ZNRF3: variants seen among roughly 807,000 people sequenced by gnomAD.
The protein encoded by ZNRF3 is zinc and ring finger 3, also known as E3 ubiquitin-protein ligase ZNRF3.
ZNRF3 carries 23 observed loss-of-function variants against 72.5 expected under a neutral mutation model. That is an observed-to-expected ratio of 0.32 (90% CI 0.23 to 0.45). The LOEUF is 0.45. Ranked by LOEUF, ZNRF3 falls within the 20% of genes least tolerant of loss-of-function variation. The pLI is 1.00. For synonymous variants in ZNRF3, 610 were observed against 545.3 expected (o/e 1.12, Z -1.65); for missense variants, 1,169 against 1,272.1 (o/e 0.92, Z 1.23).
chr22:28,886,201 T>G (rs2033782924), intron 1 of ZNRF3, among the ~76,000 whole-genome samples: 1 of 152,250 alleles, frequency 6.6e-6, no homozygotes, highest in African/African-American at 2.4e-5. Context: ...AAGGCTAGCA[T>G]GCTTTTATGA....
At chr22:28,919,797 A>G (rs132546) in intron 1 of ZNRF3, among the ~76,000 whole-genome samples, 120,780 of 151,970 alleles carry the variant, frequency 0.79, 50,043 homozygotes, top group East Asian at 0.95. Flanking sequence ...ATGAGCCACC[A>G]CACCTGGCCC....
intron 1 of ZNRF3, among the ~76,000 whole-genome samples, chr22:28,936,151 G>A (rs1407056934): frequency 6.6e-6 from 1 of 152,050 alleles, no homozygotes; most frequent in Non-Finnish European, 1.5e-5. Context: ...CTCCACTTAC[G>A]GTGCTCCTAA....
At chr22:28,887,208 T>G (rs1331077476) in intron 1 of ZNRF3, among the ~76,000 whole-genome samples, 1 of 145,170 alleles carries the variant, frequency 6.9e-6, no homozygotes, top group Non-Finnish European at 1.5e-5. Flanking sequence ...CCCTCCTTAT[T>G]ATATGCCAAC....
chr22:28,990,852 A>G (rs1601636325), intron 2 of ZNRF3, among the ~76,000 whole-genome samples: 1 of 152,176 alleles, frequency 6.6e-6, no homozygotes, highest in East Asian at 1.9e-4. Context: ...ACCTGTGGAG[A>G]GTCTCATGGC....
intron 2 of ZNRF3, among the ~76,000 whole-genome samples, chr22:29,032,380 G>A (rs972989211): frequency 2.0e-5 from 3 of 152,160 alleles, no homozygotes; most frequent in African/African-American, 7.2e-5. Flanking sequence ...ACACGCAGGG[G>A]CTGGGGCCTG....
intron 1 of ZNRF3, among the ~76,000 whole-genome samples, chr22:28,905,215 G>T (rs1287600691): frequency 6.6e-6 from 1 of 152,138 alleles, no homozygotes; most frequent in East Asian, 1.9e-4. Context: ...GAGATTATAG[G>T]TATGAGCCAC....
intron 1 of ZNRF3, among the ~76,000 whole-genome samples, chr22:28,944,970 A>ATAATAC (rs113241990): frequency 2.0e-5 from 3 of 150,822 alleles, no homozygotes; most frequent in Non-Finnish European, 3.0e-5. Context: ...AATAATAATA[A>ATAATAC]TACTCATACT....
chr22:28,911,990 CTTTG>C (rs1196206879), intron 1 of ZNRF3, among the ~76,000 whole-genome samples: 1 of 152,178 alleles, frequency 6.6e-6, no homozygotes, highest in South Asian at 2.1e-4. Context: ...CTGGGATAAA[CTTTG>C]TTTGTTTACA....
At chr22:28,928,380 C>A (rs2034640485) in intron 1 of ZNRF3, among the ~76,000 whole-genome samples, 1 of 151,934 alleles carries the variant, frequency 6.6e-6, no homozygotes, top group Non-Finnish European at 1.5e-5. Flanking sequence ...CACCTTAGTA[C>A]TCCAACATAT....
chr22:28,896,737 T>C (rs1011627933), intron 1 of ZNRF3, among the ~76,000 whole-genome samples: 1 of 152,218 alleles, frequency 6.6e-6, no homozygotes, highest in Non-Finnish European at 1.5e-5. Flanking sequence ...GCTAATGGCA[T>C]GTAAAGAATG....
chr22:28,955,573 A>G (rs2035243925), intron 1 of ZNRF3, among the ~76,000 whole-genome samples: 1 of 152,126 alleles, frequency 6.6e-6, no homozygotes, highest in Admixed American at 6.5e-5. Context: ...ATCCTCACTC[A>G]GCATAGCTGT....
intron 1 of ZNRF3, among the ~76,000 whole-genome samples, chr22:28,928,385 A>G (rs1247411102): frequency 6.6e-6 from 1 of 152,134 alleles, no homozygotes; most frequent in African/African-American, 2.4e-5. Context: ...TAGTACTCCA[A>G]CATATATACA....
intron 1 of ZNRF3, among the ~76,000 whole-genome samples, chr22:28,967,529 C>T (rs1339959134): frequency 1.3e-5 from 2 of 152,212 alleles, no homozygotes; most frequent in Admixed American, 6.5e-5. Context: ...AATTGTTACT[C>T]CTTCACAGAT....
chr22:28,987,634 G>C (rs2035879185), intron 2 of ZNRF3, among the ~76,000 whole-genome samples: 1 of 152,158 alleles, frequency 6.6e-6, no homozygotes. Context: ...ACATGGGGAG[G>C]CACTCAGTAA....
At chr22:28,963,202 AAC>A (rs2035396462) in intron 1 of ZNRF3, among the ~76,000 whole-genome samples, 1 of 152,224 alleles carries the variant, frequency 6.6e-6, no homozygotes, top group South Asian at 2.1e-4. Flanking sequence ...CAGGAAACCC[AAC>A]ACACAGAGTG....
intron 2 of ZNRF3, among the ~76,000 whole-genome samples, chr22:28,992,496 C>T (rs1036232923): frequency 2.0e-5 from 3 of 152,034 alleles, no homozygotes; most frequent in Non-Finnish European, 2.9e-5. Flanking sequence ...CCCCCAGTCT[C>T]CCTGGGCATG....
At chr22:29,047,363 C>T (rs2037094632) in intron 6 of ZNRF3, among the ~76,000 whole-genome samples, 1 of 152,206 alleles carries the variant, frequency 6.6e-6, no homozygotes, top group Admixed American at 6.5e-5. Flanking sequence ...CTCACTCTCC[C>T]TCTCTCTAGA....
rs2036721116 is a variant in ZNRF3 at position 29,030,331 on chromosome 22, G to A, written c.427-12164G>A. The stretch of plus-strand genomic sequence containing the variant: ...TGCAATGGCGCCGCGACCCGGCCGC[G>A]GACTCCAGCCTCTAAAGTCGGGTAC... On this transcript the variant is annotated intron_variant, in intron 2 of 8. Coordinates refer to ENST00000544604, the MANE Select transcript of ZNRF3 (RefSeq NM_001206998.2). This position sits in a 1 kb window ranked among gnomAD's most constrained non-coding sequence, Gnocchi z 4.2. Among the ~76,000 whole-genome samples the A allele has an allele frequency of 6.6e-6, 1 of 152,156 alleles. No homozygotes were observed. The highest frequency in any genetic ancestry group is 1.5e-5 in the Non-Finnish European group (1 of 68,038).
At chr22:28,908,002 C>G (rs1201605800) in intron 1 of ZNRF3, among the ~76,000 whole-genome samples, 1 of 152,194 alleles carries the variant, frequency 6.6e-6, no homozygotes, top group South Asian at 2.1e-4. Context: ...TAACATGATG[C>G]TCTACTTTTG....
Sources: gnomAD v4.1 joint callset for allele counts (sites outside exome capture counted in the v4.1 genomes callset) on GRCh38, gnomAD v4.1.1 for gene constraint, Gnocchi (gnomAD v3.1) non-coding constraint, MANE v1.5 for transcripts, NCBI Gene and HGNC (gene_info 2026-07-23, HGNC 2026-07-21) for gene names.